THSD4: variants seen among roughly 807,000 people sequenced by gnomAD.
The protein encoded by THSD4 is thrombospondin type 1 domain containing 4.
In THSD4, 69 loss-of-function variants were observed where a neutral mutation model predicts 119.0. That is an observed-to-expected ratio of 0.58 (90% confidence interval 0.48 to 0.71). THSD4 has a LOEUF of 0.71. Among genes scored for constraint, THSD4 ranks in the 30% least tolerant of loss-of-function variants. The probability of loss-of-function intolerance (pLI) is 0.00; values close to 1 mark genes in which losing one functional copy is unlikely to be tolerated. For missense variants in THSD4, 1,393 were observed against 1,391.1 expected (o/e 1.00, Z -0.02); for synonymous variants, 524 against 540.4 (o/e 0.97, Z 0.42).
At chr15:71,101,763 G>C (rs1333427220) in intron 1 of THSD4, among the ~76,000 whole-genome samples, 8 of 150,954 alleles carry the variant, frequency 5.3e-5, no homozygotes, top group Admixed American at 5.3e-4. Context: ...GCCCAGACTA[G>C]AGTGCAGTGG....
At chr15:71,210,308 A>G (rs1567158349) in intron 3 of THSD4, among the ~76,000 whole-genome samples, 1 of 152,226 alleles carries the variant, frequency 6.6e-6, no homozygotes, top group South Asian at 2.1e-4. Flanking sequence ...GATTAATTAG[A>G]TAATATATAT....
chr15:71,299,960 C>CAAAAAAAA (rs141320911), intron 6 of THSD4, among the ~76,000 whole-genome samples: 1 of 109,040 alleles, frequency 9.2e-6, no homozygotes, highest in Non-Finnish European at 1.8e-5. Flanking sequence ...CTGTCTCTAC[C>CAAAAAAAA]AAAAAAAAAA....
At chr15:71,764,295 T>C (rs1206461757) in intron 15 of THSD4, among the ~76,000 whole-genome samples, 1 of 152,202 alleles carries the variant, frequency 6.6e-6, no homozygotes, top group Non-Finnish European at 1.5e-5. Context: ...AAAAACATTT[T>C]GCAAAGTAAT....
chr15:71,649,142 A>AG (rs1350962718), intron 7 of THSD4, among the ~76,000 whole-genome samples: 1 of 152,112 alleles, frequency 6.6e-6, no homozygotes, highest in Non-Finnish European at 1.5e-5. Flanking sequence ...CATCACTCAG[A>AG]GCTTCTCTTT....
intron 7 of THSD4, among the ~76,000 whole-genome samples, chr15:71,606,610 G>A (rs189448770): frequency 1.6e-4 from 25 of 152,140 alleles, no homozygotes; most frequent in African/African-American, 5.5e-4. Flanking sequence ...GCATGATCTC[G>A]GCTCACCGCA....
intron 7 of THSD4, chr15:71,547,412 G>C (rs1470084870): frequency 1.3e-6 from 2 of 1,550,396 alleles, no homozygotes; most frequent in South Asian, 2.4e-5. Context: ...GGGTAATAAT[G>C]TTTGTCAGCT....
intron 6 of THSD4, among the ~76,000 whole-genome samples, chr15:71,357,752 G>C (rs1293352899): frequency 6.6e-6 from 1 of 152,214 alleles, no homozygotes; most frequent in Non-Finnish European, 1.5e-5. Flanking sequence ...AAAGGAAAGA[G>C]AGTGAGAAAA....
chr15:71,541,613 A>G (rs1595870161), intron 7 of THSD4, among the ~76,000 whole-genome samples: 1 of 152,266 alleles, frequency 6.6e-6, no homozygotes, highest in East Asian at 1.9e-4. Flanking sequence ...TCATATCATT[A>G]CATAGGAAGC....
At chr15:71,171,116 GA>G (rs1397272336) in intron 3 of THSD4, among the ~76,000 whole-genome samples, 1 of 151,888 alleles carries the variant, frequency 6.6e-6, no homozygotes, top group Non-Finnish European at 1.5e-5. Context: ...TAGGGAGACA[GA>G]AAAAATATTT....
chr15:71,779,010 TC>T lies in THSD4; in HGVS notation c.*1641del, dbSNP rs888868264. ...AAGCCTGGATTCTTAGCAAAGTGTT[TC>T]CCCCATTTGCTCTTTTAGCTGACAA... is the stretch of plus-strand genomic sequence containing the variant. On this transcript the variant is annotated 3_prime_UTR_variant, in exon 18 of 18. Coordinates refer to ENST00000261862, the MANE Select transcript of THSD4 (RefSeq NM_024817.3). 3.9e-5 allele frequency: 6 copies of T among 152,346 alleles called. No individual in the cohort carries two copies. Among genetic ancestry groups the T allele is most frequent in the African/African-American group, 1.2e-4 (5 of 41,580 alleles). 9.4% of individuals were successfully genotyped at this position (152,346 alleles called of 1,614,324 possible).
intron 7 of THSD4, among the ~76,000 whole-genome samples, chr15:71,660,062 C>T (rs1409346090): frequency 6.6e-6 from 1 of 152,164 alleles, no homozygotes; most frequent in Non-Finnish European, 1.5e-5. Flanking sequence ...CATTTAATTT[C>T]CTAAGAAACT....
At chr15:71,120,727 T>A (rs977121502) in intron 1 of THSD4, among the ~76,000 whole-genome samples, 2 of 152,206 alleles carry the variant, frequency 1.3e-5, no homozygotes, top group Non-Finnish European at 2.9e-5. Flanking sequence ...CTGCTCCAGG[T>A]GGGCTTGGAA....
intron 8 of THSD4, among the ~76,000 whole-genome samples, chr15:71,708,209 G>C (rs1490960585): frequency 6.6e-6 from 1 of 152,216 alleles, no homozygotes; most frequent in Admixed American, 6.5e-5. Context: ...ACCTGCCAAG[G>C]CTGGGGAGGA....
intron 14 of THSD4, among the ~76,000 whole-genome samples, chr15:71,750,392 TTC>T (rs2053426207): frequency 6.6e-6 from 1 of 152,212 alleles, no homozygotes; most frequent in African/African-American, 2.4e-5. Flanking sequence ...CACATAGGTT[TTC>T]TCTCCCTCTG....
intron 16 of THSD4, among the ~76,000 whole-genome samples, chr15:71,768,961 G>C (rs1348373815): frequency 8.3e-6 from 1 of 119,820 alleles, no homozygotes; most frequent in African/African-American, 3.3e-5. Flanking sequence ...GGAGGGAGGT[G>C]GGGGGGTCGG....
chr15:71,200,374 T>C (rs2043793489), intron 3 of THSD4, among the ~76,000 whole-genome samples: 1 of 152,112 alleles, frequency 6.6e-6, no homozygotes, highest in African/African-American at 2.4e-5. Context: ...GCTTTGTCTG[T>C]AATGTTGGCA....
chr15:71,630,768 GTC>G (rs1234459729), intron 7 of THSD4, among the ~76,000 whole-genome samples: 1 of 152,180 alleles, frequency 6.6e-6, no homozygotes, highest in Non-Finnish European at 1.5e-5. Context: ...ACCAGTGTGT[GTC>G]TCTGGTTCTG....
chr15:71,348,034 G>A (rs893353630), intron 6 of THSD4: 1 of 152,168 alleles, frequency 6.6e-6, no homozygotes, highest in Admixed American at 6.5e-5. Flanking sequence ...TCTGCAAAGG[G>A]AACAGAGTGT....
intron 6 of THSD4, among the ~76,000 whole-genome samples, chr15:71,395,917 A>ACACG: frequency 1.4e-5 from 2 of 139,986 alleles, no homozygotes; most frequent in Admixed American, 7.0e-5. Flanking sequence ...GAAGAGAGAC[A>ACACG]CACACACACA....
Sources: gnomAD v4.1 joint callset for allele counts (sites outside exome capture counted in the v4.1 genomes callset) on GRCh38, gnomAD v4.1.1 for gene constraint, MANE v1.5 for transcripts, NCBI Gene and HGNC (gene_info 2026-07-23, HGNC 2026-07-21) for gene names.